The following NOL4 variants were observed in gnomAD, a reference collection of about 807,000 sequenced individuals.
NOL4 encodes cancer/testis antigen 125.
Under a neutral mutation model 75.9 loss-of-function variants are expected in NOL4, and 17 were observed. The observed-to-expected ratio is 0.22, with a 90% CI of 0.15 to 0.34. The LOEUF (loss-of-function observed/expected upper bound fraction) is 0.34. Among genes scored for constraint, NOL4 ranks in the 10% least tolerant of loss-of-function variants. The pLI is 1.00. For synonymous variants in NOL4, 292 were observed against 289.9 expected, an observed-to-expected ratio of 1.01 and a Z score of -0.07; for missense variants, 614 against 793.5, an observed-to-expected ratio of 0.77 and a Z score of 2.72.
chr18:33,975,843 C>T lies in NOL4; in HGVS notation c.1057-17425G>A, dbSNP rs1206719937. ...TAAAATGCCCTCATGTCAAGCATCT[C>T]TCCCTTTTCTCTCAGTTAATGGTGG... On this transcript the variant is annotated intron_variant, in intron 6 of 10. Coordinates refer to ENST00000261592, the MANE Select transcript of NOL4 (RefSeq NM_003787.5). Among the ~76,000 whole-genome samples the T allele has an allele frequency of 2.6e-5, 4 of 152,330 alleles. No individual in the cohort carries two copies. In the East Asian group the frequency reaches 5.8e-4, roughly 22 times the overall value.
intron 10 of NOL4, among the ~76,000 whole-genome samples, chr18:33,857,233 G>C (rs183737538): frequency 6.6e-6 from 1 of 151,940 alleles, no homozygotes; most frequent in Admixed American, 6.6e-5. Context: ...TTTACTTTGC[G>C]TTTGCATCAA....
intron 5 of NOL4, among the ~76,000 whole-genome samples, chr18:34,089,934 T>TAC (rs551114491): frequency 3.0e-4 from 46 of 151,316 alleles, no homozygotes; most frequent in Non-Finnish European, 4.9e-4. Context: ...CTTACTGTGA[T>TAC]ACACACACAC....
rs181589126 is a variant in NOL4, at chr18:33,959,420, T to A, written c.1057-1002A>T. ...CCAGAGTAAGTTTGGAAGAGTGACC[T>A]GGAAATACAGAAAATCCAAGTATAT... On this transcript the variant is annotated intron_variant, in intron 6 of 10. Coordinates refer to ENST00000261592, the MANE Select transcript of NOL4 (RefSeq NM_003787.5). 3.4e-3 allele frequency among the ~76,000 whole-genome samples: 524 copies of A among 152,140 alleles called. 2 individuals are homozygous for A. The highest frequency in any genetic ancestry group is 4.3e-3 in the Non-Finnish European group (292 of 67,948).
At chr18:34,084,876 A>G (rs1209637295) in intron 5 of NOL4, among the ~76,000 whole-genome samples, 1 of 152,186 alleles carries the variant, frequency 6.6e-6, no homozygotes, top group East Asian at 1.9e-4. Context: ...AAGCCCTACT[A>G]AACACTGAAA....
At chr18:33,901,036 A>T (rs888009373) in intron 9 of NOL4, among the ~76,000 whole-genome samples, 1 of 152,206 alleles carries the variant, frequency 6.6e-6, no homozygotes, top group African/African-American at 2.4e-5. Flanking sequence ...ATGTGAATTT[A>T]GGTATCTTTG....
intron 2 of NOL4, among the ~76,000 whole-genome samples, chr18:34,108,878 A>G (rs569725665): frequency 1.3e-5 from 2 of 152,302 alleles, no homozygotes; most frequent in South Asian, 2.1e-4. Context: ...ATCACCCAAC[A>G]GCAGCAGAAT....
chr18:33,873,898 G>C (rs1440365605), intron 10 of NOL4, among the ~76,000 whole-genome samples: 1 of 151,906 alleles, frequency 6.6e-6, no homozygotes, highest in Non-Finnish European at 1.5e-5. Context: ...AAATTAGTGA[G>C]GTAAACAGAA....
intron 1 of NOL4, among the ~76,000 whole-genome samples, chr18:34,158,904 T>C (rs1214737457): frequency 2.6e-5 from 4 of 152,174 alleles, no homozygotes; most frequent in Non-Finnish European, 4.4e-5. Flanking sequence ...GATGCTGAGA[T>C]ACAAAATGTA....
intron 5 of NOL4, among the ~76,000 whole-genome samples, chr18:34,070,320 G>A (rs546335424): frequency 3.3e-5 from 5 of 152,172 alleles, no homozygotes; most frequent in South Asian, 2.1e-4. Flanking sequence ...CGCCCGGCCC[G>A]CCTTGCCTTT....
intron 10 of NOL4, among the ~76,000 whole-genome samples, chr18:33,869,384 ATT>A (rs2063586046): frequency 1.3e-5 from 2 of 151,960 alleles, no homozygotes; most frequent in African/African-American, 4.8e-5. Context: ...TAATTTTAAT[ATT>A]TGTTGCTTTG....
chr18:34,168,527 G>T (rs1029727186), intron 1 of NOL4, among the ~76,000 whole-genome samples: 2 of 151,132 alleles, frequency 1.3e-5, no homozygotes, highest in Non-Finnish European at 3.0e-5. Flanking sequence ...TAGTAAATTG[G>T]AAGATGAGTC....
Position 34,019,456 on chromosome 18 carries a change from C to T in NOL4, c.918G>A (p.Leu306=), listed in dbSNP as rs181406110. Residue 306 remains leucine (L), a synonymous_variant, in exon 6 of 11, where the codon CTG becomes CTA. Coordinates refer to ENST00000261592, the MANE Select transcript of NOL4 (RefSeq NM_003787.5). ...GLEQDEQPLN[L]SDSPLSAQLT... The stretch of plus-strand genomic sequence containing the variant: ...GCTGCGCAGAGAGGGGACTGTCACT[C>T]AGGTTCAGTGGCTGTTCATCTTGCT... 6.7e-5 allele frequency: 108 copies of T among 1,613,984 alleles called. No individual in the cohort carries two copies. The East Asian group carries it at 2.4e-3, about 36-fold the overall frequency.
intron 5 of NOL4, among the ~76,000 whole-genome samples, chr18:34,076,211 C>T (rs2077737558): frequency 1.3e-5 from 2 of 152,290 alleles, no homozygotes; most frequent in South Asian, 4.1e-4. Flanking sequence ...GCAAATGCAG[C>T]TTCCCACTAG....
chr18:34,124,485 T>C (rs2145865376), intron 2 of NOL4, among the ~76,000 whole-genome samples: 1 of 152,318 alleles, frequency 6.6e-6, no homozygotes, highest in South Asian at 2.1e-4. Flanking sequence ...TCCCCTTTTT[T>C]TGAAAATAAA....
At chr18:33,885,263 T>A (rs2064566977) in intron 9 of NOL4, among the ~76,000 whole-genome samples, 1 of 151,974 alleles carries the variant, frequency 6.6e-6, no homozygotes, top group African/African-American at 2.4e-5. Flanking sequence ...TCTCGCTATT[T>A]AAATCATAGA....
At chr18:33,909,863 A>G (rs11663760) in intron 9 of NOL4, among the ~76,000 whole-genome samples, 3 of 152,186 alleles carry the variant, frequency 2.0e-5, no homozygotes, top group Non-Finnish European at 4.4e-5. Context: ...ATGCAGTGAT[A>G]ACCATTAATA....
intron 10 of NOL4, among the ~76,000 whole-genome samples, chr18:33,856,696 A>T (rs1239324496): frequency 6.6e-6 from 1 of 152,102 alleles, no homozygotes; most frequent in Non-Finnish European, 1.5e-5. Context: ...TGAAATTTTT[A>T]AACAAAGAAC....
At position 34,034,070 on chromosome 18, in the gene NOL4, AC is replaced by A. The variant is rs747377246; in HGVS notation, c.773-14470del. On this transcript the variant is annotated intron_variant, in intron 5 of 10. Transcript: ENST00000261592. ...CAGTCTTCAACCCAAAAGCGAAAGG[AC>A]AGCATTTACCATCATGAAAACACGT... Among the ~76,000 whole-genome samples the A allele has an allele frequency of 2.0e-5, 3 of 152,332 alleles. No homozygotes were observed. In the East Asian group the frequency reaches 5.8e-4, roughly 29 times the overall value.
At chr18:34,010,214 T>C (rs1315172975) in intron 6 of NOL4, among the ~76,000 whole-genome samples, 1 of 151,988 alleles carries the variant, frequency 6.6e-6, no homozygotes, top group Non-Finnish European at 1.5e-5. Context: ...TGATTTCAAA[T>C]GTTTTAATTT....
Sources: gnomAD v4.1 joint callset for allele counts (sites outside exome capture counted in the v4.1 genomes callset) on GRCh38, gnomAD v4.1.1 for gene constraint, MANE v1.5 for transcripts, NCBI Gene and HGNC (gene_info 2026-07-23, HGNC 2026-07-21) for gene names.